Variants in MACF1 observed in about 807,000 individuals in gnomAD.
MACF1 encodes the protein microtubule-actin cross-linking factor 1.
A neutral mutation model predicts 854.8 loss-of-function variants in MACF1; 193 were observed. That is an observed-to-expected ratio of 0.23 (90% CI 0.20 to 0.25). The LOEUF is 0.25. MACF1 is among the 10% of genes least tolerant of loss of function. MACF1 has a pLI of 1.00. For missense variants in MACF1, 7,722 were observed against 8,929.1 expected, an observed-to-expected ratio of 0.86 and a Z score of 5.45; for synonymous variants, 3,185 against 3,226.7, an observed-to-expected ratio of 0.99 and a Z score of 0.44.
chr1:39,294,061 A>T (rs1309179845), intron 18 of MACF1, among the ~76,000 whole-genome samples: 1 of 152,178 alleles, frequency 6.6e-6, no homozygotes, highest in Non-Finnish European at 1.5e-5. Context: ...GTATTCCCCA[A>T]CGGTTGCATA....
intron 18 of MACF1, among the ~76,000 whole-genome samples, chr1:39,294,231 T>C (rs1306664625): frequency 6.6e-6 from 1 of 152,220 alleles, no homozygotes; most frequent in Non-Finnish European, 1.5e-5. Flanking sequence ...GGAAGGGAAA[T>C]TTAACATTGG....
At chr1:39,357,951 G>T in intron 45 of MACF1, 58 bp downstream of exon 45, 1 of 1,518,490 alleles carries the variant, frequency 6.6e-7, no homozygotes, top group South Asian at 1.3e-5. Context: ...TTCACACAAT[G>T]TAGGTAGTGT....
intron 2 of MACF1, among the ~76,000 whole-genome samples, chr1:39,128,233 C>T (rs1472203902): frequency 6.6e-6 from 1 of 151,356 alleles, no homozygotes; most frequent in African/African-American, 2.4e-5. Flanking sequence ...TTTTTAGAGA[C>T]AGGGTCTTGC....
chr1:39,437,300 G>GTTTTTTTTTTT, intron 70 of MACF1, among the ~76,000 whole-genome samples: 1 of 145,150 alleles, frequency 6.9e-6, no homozygotes, highest in East Asian at 2.0e-4. Context: ...TTTTGTTGTT[G>GTTTTTTTTTTT]TTTTTTTCTT....
At chr1:39,115,379 G>T (rs1642518172) in intron 2 of MACF1, among the ~76,000 whole-genome samples, 1 of 152,130 alleles carries the variant, frequency 6.6e-6, no homozygotes, top group Non-Finnish European at 1.5e-5. Context: ...ATTGTATGTG[G>T]TATATGAGGG....
chr1:39,469,666 T>C (rs1201984472), intron 97 of MACF1, 51 bp downstream of exon 97: 1 of 1,382,434 alleles, frequency 7.2e-7, no homozygotes, highest in Non-Finnish European at 1.0e-6. Flanking sequence ...CCATTGAGAA[T>C]GGCTTTGCTT....
In MACF1 at chr1:39,310,319, G is replaced by A. The variant is rs752796678; in HGVS notation, c.2991G>A (p.Gln997=). ...NLQAHYEDFL[Q]DSRDSVLFSV... ...AGGCCCACTATGAAGACTTTCTGCAGGATAGTCGTGACTCTGTGCTGTTCT... is the reference window on the plus strand; with the variant it reads ...AGGCCCACTATGAAGACTTTCTGCAAGATAGTCGTGACTCTGTGCTGTTCT... The change falls in exon 25 of 101, where the codon CAG becomes CAA. Residue 997 remains glutamine, a synonymous_variant. Transcript: ENST00000564288. 16 of 1,614,152 alleles carry A rather than the reference G, an allele frequency of 9.9e-6. No individual in the cohort carries two copies. Among genetic ancestry groups the A allele is most frequent in the Non-Finnish European group, 1.3e-5 (15 of 1,180,010 alleles).
chr1:39,353,649 A>G (rs906705883), intron 44 of MACF1, among the ~76,000 whole-genome samples: 4 of 152,028 alleles, frequency 2.6e-5, no homozygotes, highest in Admixed American at 6.6e-5. Context: ...CTGTCTGCCT[A>G]TTTGCAACTT....
In MACF1 at chr1:39,174,938, A is replaced by G. The variant is rs546736303; in HGVS notation, c.221-56244A>G. On this transcript the variant is annotated intron_variant, in intron 2 of 93. Transcript: ENST00000361689. ...CCACTGCATTTCCCTGGCCATAGTA[A>G]GAGATGTGCAGAATGACCTGCCCTA... Among the ~76,000 whole-genome samples, 9 of 152,350 alleles carry G rather than the reference A, an allele frequency of 5.9e-5. No individual in the cohort carries two copies. The East Asian group carries it at 1.7e-3, about 29-fold the overall frequency.
intron 6 of MACF1, among the ~76,000 whole-genome samples, chr1:39,263,720 G>GACACACA (rs1453250004): frequency 1.3e-5 from 2 of 149,226 alleles, no homozygotes; most frequent in African/African-American, 4.9e-5. Flanking sequence ...CTTTATATTT[G>GACACACA]ACACACATAG....
In MACF1 at chr1:39,336,147, G is replaced by A; in HGVS notation, c.9559G>A (p.Glu3187Lys). The A allele has an allele frequency of 1.2e-6, 2 of 1,614,120 alleles. No individual in the cohort carries two copies. Among genetic ancestry groups the A allele is most frequent in the Non-Finnish European group, 1.7e-6 (2 of 1,180,018 alleles). Residue 3187 changes from glutamate to lysine, a missense_variant, in exon 37 of 101, where the codon GAA (glutamate) becomes AAA (lysine). By Grantham distance (56) the Glu-to-Lys change is moderately conservative. Coordinates refer to ENST00000564288, the MANE Select transcript of MACF1 (RefSeq NM_001394062.1). ...TGACCCAGCAAGAGGTCTTAAATTG[G>A]AAGAAATCACAGTTTCTAGACCAGA... ...SFDPARGLKLEEITVSRPDSK... is the reference protein window; with the variant it reads ...SFDPARGLKLKEITVSRPDSK...
chr1:39,113,416 C>T (rs1642461684), intron 2 of MACF1, among the ~76,000 whole-genome samples: 1 of 152,170 alleles, frequency 6.6e-6, no homozygotes, highest in Non-Finnish European at 1.5e-5. Flanking sequence ...CTTTCATCAA[C>T]ACAAACGAAT....
Position 39,372,848 on chromosome 1 carries a change from A to C in MACF1, c.13213+252A>C, listed in dbSNP as rs1569769332. 8.5e-6 allele frequency: 3 copies of C among 351,716 alleles called. No individual in the cohort carries two copies. The East Asian group carries it at 2.2e-4, about 26-fold the overall frequency. The allele number at this position is 351,716 out of a possible 1,614,324, so 21.8% of individuals were successfully genotyped here. ...TTGTCCCACTTAGAACTATCAAATG[A>C]ACACTGAATAATTAAAATGAGATTT... On this transcript the variant is annotated intron_variant, in intron 52 of 100. Transcript: ENST00000564288.
At chr1:39,096,427 A>G (rs1441325616) in intron 2 of MACF1, among the ~76,000 whole-genome samples, 3 of 150,840 alleles carry the variant, frequency 2.0e-5, no homozygotes, top group Admixed American at 6.6e-5. Context: ...CCAGTTATGT[A>G]TAAGAAAGTT....
In MACF1 at chr1:39,284,936, C is replaced by T. The variant is rs138793427; in HGVS notation, c.1132-147C>T. 7.6e-4 allele frequency: 827 copies of T among 1,092,608 alleles called. 8 individuals carry two copies. In the East Asian group the frequency reaches 0.019, roughly 25 times the overall value. 67.7% of individuals were successfully genotyped at this position (1,092,608 alleles called of 1,614,324 possible). On this transcript the variant is annotated intron_variant, in intron 11 of 100. Coordinates refer to ENST00000564288, the MANE Select transcript of MACF1 (RefSeq NM_001394062.1). The stretch of plus-strand genomic sequence containing the variant: ...TAACTCAAGGGTGAAGAACCTGATA[C>T]ATATTTGATTGTTTTTCCATGTTAG...
At chr1:39,361,146 A>T in intron 48 of MACF1, 145 bp downstream of exon 48, 1 of 859,248 alleles carries the variant, frequency 1.2e-6, no homozygotes, top group Non-Finnish European at 1.8e-6. Flanking sequence ...CTATGTAAAG[A>T]TATTTCTACC....
At chr1:39,430,649 C>T (rs1405296238) in intron 65 of MACF1, 53 bp from the exon 66 acceptor site, 23 of 1,427,704 alleles carry the variant, frequency 1.6e-5, no homozygotes, top group Non-Finnish European at 2.1e-5. Context: ...AGCACAGTTG[C>T]TGATGTGCTT....
At chr1:39,368,464 T>C in intron 50 of MACF1, 150 bp downstream of exon 50, 1 of 665,628 alleles carries the variant, frequency 1.5e-6, no homozygotes, top group Non-Finnish European at 2.5e-6. Context: ...TGCCTTTTTT[T>C]AGGCAAAGCT....
intron 97 of MACF1, among the ~76,000 whole-genome samples, chr1:39,477,774 A>AGT (rs1644936864): frequency 6.6e-6 from 1 of 152,072 alleles, no homozygotes; most frequent in East Asian, 1.9e-4. Flanking sequence ...AGCCTCTGTG[A>AGT]GTACTTAAGT....
Sources: allele counts gnomAD v4.1 joint callset (sites outside exome capture counted in the v4.1 genomes callset), GRCh38; gene constraint gnomAD v4.1.1; transcripts MANE v1.5; gene names NCBI Gene and HGNC (gene_info 2026-07-23, HGNC 2026-07-21).